The following MSANTD7 variants were observed in gnomAD, a reference collection of about 807,000 sequenced individuals.
The protein encoded by MSANTD7 is zinc finger and SCAN domain containing 29.
At chr10:14,844,242 A>G in the MSANTD7 span, 1 of 1,095,220 alleles carries the variant, frequency 9.1e-7, no homozygotes, top group Non-Finnish European at 1.1e-6. Flanking sequence ...CCTACCTCAC[A>G]GGGTTGTTGT....
the MSANTD7 span, chr10:14,843,226 G>A: frequency 9.7e-7 from 1 of 1,029,192 alleles, no homozygotes. Context: ...TCCAGATTAA[G>A]GAAATGGATT....
chr10:14,843,923 A>C, the MSANTD7 span: 3 of 1,534,416 alleles, frequency 2.0e-6, no homozygotes, highest in Non-Finnish European at 2.6e-6. Flanking sequence ...TCTGCTTCCT[A>C]AACTGGTAGA....
the MSANTD7 span, chr10:14,840,235 T>C: frequency 1.5e-6 from 1 of 686,600 alleles, no homozygotes; most frequent in African/African-American, 1.9e-5. Context: ...GAAAAGAAAT[T>C]AGAAACAGCA....
the MSANTD7 span, chr10:14,844,257 A>G: frequency 3.3e-5 from 36 of 1,085,440 alleles, no homozygotes; most frequent in Non-Finnish European, 4.1e-5. Flanking sequence ...TGTTGTGAGG[A>G]TCACGTAGTT....
At chr10:14,845,314 CAAAG>C in the MSANTD7 span, 1 of 985,218 alleles carries the variant, frequency 1.0e-6, no homozygotes, top group African/African-American at 1.7e-5. Context: ...GGAAAAATAA[CAAAG>C]AGTGGGCATG....
the MSANTD7 span, among the ~76,000 whole-genome samples, chr10:14,840,960 T>G: frequency 6.6e-6 from 1 of 152,210 alleles, no homozygotes; most frequent in South Asian, 2.1e-4. Flanking sequence ...TGGGTAAGAC[T>G]GCAGATCAGG....
chr10:14,838,765 G>C, the MSANTD7 span, among the ~76,000 whole-genome samples: 1 of 152,120 alleles, frequency 6.6e-6, no homozygotes, highest in Non-Finnish European at 1.5e-5. Flanking sequence ...TGCCCGGGGG[G>C]GTCCCGGAGA....
chr10:14,845,687 G>A, the MSANTD7 span: 17 of 250,066 alleles, frequency 6.8e-5, no homozygotes, highest in Admixed American at 6.5e-4. Context: ...TCAGCCTCCC[G>A]AGTAGCCGGG....
the MSANTD7 span, chr10:14,838,334 G>C: frequency 6.7e-6 from 10 of 1,492,656 alleles, no homozygotes; most frequent in South Asian, 1.2e-4. Flanking sequence ...TGATGGGGCC[G>C]TTGGGCGGCC....
At chr10:14,840,045 T>TAC in the MSANTD7 span, 1 of 1,095,194 alleles carries the variant, frequency 9.1e-7, no homozygotes, top group Non-Finnish European at 1.2e-6. Context: ...CATTGTAATA[T>TAC]ATATATATAT....
chr10:14,839,571 CAAA>C, the MSANTD7 span, among the ~76,000 whole-genome samples: 4 of 79,740 alleles, frequency 5.0e-5, no homozygotes, highest in Non-Finnish European at 3.1e-5. Flanking sequence ...ACTCCGTGTC[CAAA>C]AAAAAAAAAA....
chr10:14,845,847 C>A, the MSANTD7 span: 1 of 250,516 alleles, frequency 4.0e-6, no homozygotes, highest in Non-Finnish European at 6.3e-6. Flanking sequence ...CAGGCGTGAG[C>A]CACCGTGCCC....
the MSANTD7 span, chr10:14,845,294 T>C: frequency 1.0e-6 from 1 of 985,306 alleles, no homozygotes; most frequent in African/African-American, 1.7e-5. Context: ...TTTCCAATAA[T>C]CTAGAAGTTG....
chr10:14,845,004 G>A, the MSANTD7 span: 1 of 985,352 alleles, frequency 1.0e-6, no homozygotes, highest in African/African-American at 1.7e-5. Context: ...TCTGGTGGAA[G>A]AGAACAGCTT....
At chr10:14,846,329 C>G in the MSANTD7 span, 10 of 985,264 alleles carry the variant, frequency 1.0e-5, no homozygotes, top group Non-Finnish European at 1.2e-5. Context: ...GTGCATAAGA[C>G]AGGGATTTCT....
At chr10:14,840,148 TG>T in the MSANTD7 span, 1 of 1,435,474 alleles carries the variant, frequency 7.0e-7, no homozygotes, top group Non-Finnish European at 9.3e-7. Flanking sequence ...AAGCAGATCC[TG>T]GGCAGAAGGT....
the MSANTD7 span, among the ~76,000 whole-genome samples, chr10:14,840,851 C>A: frequency 3.9e-5 from 6 of 152,174 alleles, no homozygotes; most frequent in Admixed American, 3.9e-4. Flanking sequence ...ATTCTCTCAA[C>A]ATCCTTGTAA....
chr10:14,840,141 C>T, the MSANTD7 span: 1 of 1,452,686 alleles, frequency 6.9e-7, no homozygotes, highest in Non-Finnish European at 9.2e-7. Flanking sequence ...GAAAGTAAAG[C>T]AGATCCTGGG....
the MSANTD7 span, among the ~76,000 whole-genome samples, chr10:14,839,536 A>C: frequency 6.6e-6 from 1 of 150,688 alleles, no homozygotes; most frequent in African/African-American, 2.4e-5. Flanking sequence ...TGCAGTCTGC[A>C]CTCCAGCCTG....
Sources: allele counts gnomAD v4.1 joint callset (sites outside exome capture counted in the v4.1 genomes callset), GRCh38; gene constraint gnomAD v4.1.1; transcripts MANE v1.5; gene names NCBI Gene and HGNC (gene_info 2026-07-23, HGNC 2026-07-21).